POLR3D: variants seen among roughly 807,000 people sequenced by gnomAD.
POLR3D encodes the protein RNA polymerase III subunit D, also known as DNA-directed RNA polymerase III subunit RPC4.
A neutral mutation model predicts 44.5 loss-of-function variants in POLR3D; 42 were observed. That is an observed-to-expected ratio of 0.94 (90% CI 0.74 to 1.22). The LOEUF is 1.22. POLR3D is among the 50% of genes most tolerant of loss of function. POLR3D has a pLI of 0.00. For missense variants in POLR3D, 507 were observed against 505.2 expected, an observed-to-expected ratio of 1.00 and a Z score of -0.03; for synonymous variants, 217 against 198.1, an observed-to-expected ratio of 1.10 and a Z score of -0.80.
chr8:22,249,570 C>T (rs1830081745), intron 7 of POLR3D, among the ~76,000 whole-genome samples: 1 of 152,150 alleles, frequency 6.6e-6, no homozygotes, highest in Non-Finnish European at 1.5e-5. Context: ...TGGCTCATGC[C>T]TCTAATCCCA....
chr8:22,245,389 C>G, intron 1 of POLR3D, 56 bp from the exon 2 acceptor site: 1 of 1,267,870 alleles, frequency 7.9e-7, no homozygotes, highest in African/African-American at 1.5e-5. Flanking sequence ...GGTGGGGTTC[C>G]GCCAGGGTCC....
intron 5 of POLR3D, 89 bp downstream of exon 5, chr8:22,248,367 T>C: frequency 5.1e-6 from 8 of 1,576,852 alleles, no homozygotes; most frequent in Non-Finnish European, 6.9e-6. Flanking sequence ...AAGAGCTTAC[T>C]GATGTCCTGG....
In POLR3D at chr8:22,253,107, A is replaced by G. The variant is rs1367011972; in HGVS notation, c.*2589A>G. On this transcript the variant is annotated 3_prime_UTR_variant, in exon 9 of 9. Coordinates refer to ENST00000306433, the MANE Select transcript of POLR3D (RefSeq NM_001722.3). The stretch of plus-strand genomic sequence containing the variant: ...TAAGCAATGGGAATGTTTATCTCAC[A>G]TAGCAAAAAGTCTGTAAATAGATGG... 7 of 152,230 alleles carry G rather than the reference A, an allele frequency of 4.6e-5. No homozygotes were observed. In the East Asian group the frequency reaches 1.2e-3, roughly 25 times the overall value. 9.4% of individuals were successfully genotyped at this position (152,230 alleles called of 1,614,324 possible).
At chr8:22,250,297 A>G in intron 8 of POLR3D, 70 bp downstream of exon 8, 1 of 1,609,948 alleles carries the variant, frequency 6.2e-7, no homozygotes, top group Non-Finnish European at 8.5e-7. Flanking sequence ...CCACTGCTAA[A>G]TAAGGGAGGG....
At position 22,249,151 on chromosome 8, in the gene POLR3D, C is replaced by G. The variant is rs1196103404; in HGVS notation, c.763C>G (p.Leu255Val). 5.0e-6 allele frequency: 8 copies of G among 1,614,120 alleles called. No individual in the cohort carries two copies. Among genetic ancestry groups the G allele is most frequent in the Middle Eastern group, 1.6e-4 (1 of 6,062 alleles). Residue 255 changes from leucine (L) to valine (V), a missense_variant, in exon 7 of 9, where the codon CTG (leucine) becomes GTG (valine). Leu to Val is a conservative substitution (Grantham distance 32). Transcript: ENST00000306433. ...LPKDVSVAELLRELSLTKEEE... is the reference protein window; with the variant it reads ...LPKDVSVAELVRELSLTKEEE... The stretch of plus-strand genomic sequence containing the variant: ...GAAGGATGTATCTGTGGCAGAGCTG[C>G]TGAGGGAGCTGAGCCTCACCAAGGA...
intron 8 of POLR3D, 71 bp from the exon 9 acceptor site, chr8:22,250,325 T>C (rs547155471): frequency 8.7e-6 from 14 of 1,610,272 alleles, no homozygotes; most frequent in South Asian, 2.2e-5. Flanking sequence ...GGGAGTATCA[T>C]GTCCCCATTC....
Position 22,253,938 on chromosome 8 carries a change from A to G in POLR3D, c.*3420A>G, listed in dbSNP as rs148185065. 8.5e-5 allele frequency: 13 copies of G among 152,404 alleles called. No individual in the cohort carries two copies. The highest frequency in any genetic ancestry group is 2.4e-4 in the African/African-American group (10 of 41,582). The allele number at this position is 152,404 out of a possible 1,614,324, so 9.4% of individuals were successfully genotyped here. A position where few individuals can be genotyped will look rare whatever the true frequency, so the allele number is the denominator to read the frequency against. On this transcript the variant is annotated 3_prime_UTR_variant, in exon 9 of 9. Coordinates refer to ENST00000306433, the MANE Select transcript of POLR3D (RefSeq NM_001722.3). ...GTGATCTACCTGCCTCAGCCTCCCAAGTGCTGGGATTACAGGCGTGAGCCA... is the reference window on the plus strand; with the variant it reads ...GTGATCTACCTGCCTCAGCCTCCCAGGTGCTGGGATTACAGGCGTGAGCCA...
Position 22,248,210 on chromosome 8 carries a change from A to T in POLR3D, c.418A>T (p.Ile140Phe). 1 of 1,614,210 alleles carries T rather than the reference A, an allele frequency of 6.2e-7. No homozygotes were observed. The highest frequency in any genetic ancestry group is 1.1e-5 in the South Asian group (1 of 91,080). The change falls in exon 5 of 9, where the codon ATC becomes TTC. Residue 140 changes from isoleucine to phenylalanine, a missense_variant. Ile to Phe is a conservative substitution (Grantham distance 21, BLOSUM62 0). Transcript: ENST00000306433. ...CATGGGACCTTCTCATATCATCAAC[A>T]TCAAAAAAGAGAAGAGAGAGACAGA... is the stretch of plus-strand genomic sequence containing the variant. ...SDMGPSHIIN[I>F]KKEKRETDEE...
At position 22,245,556 on chromosome 8, in the gene POLR3D, C is replaced by T; in HGVS notation, c.107C>T (p.Thr36Ile). Reference sequence around the variant, plus strand: ...GGGCGGCGGCCGGCGCCTCCCCTCACCCCCGGCCGCCTTCCCTCCATCCGT... The same window carrying T: ...GGGCGGCGGCCGGCGCCTCCCCTCATCCCCGGCCGCCTTCCCTCCATCCGT... ...LIGRRPAPPL[T>I]PGRLPSIRSR... Residue 36 changes from threonine to isoleucine, a missense_variant, in exon 2 of 9, where the codon ACC (threonine) becomes ATC (isoleucine). Coordinates refer to ENST00000306433, the MANE Select transcript of POLR3D (RefSeq NM_001722.3). The T allele has an allele frequency of 5.5e-6, 7 of 1,261,624 alleles. No homozygotes were observed. The highest frequency in any genetic ancestry group is 7.0e-6 in the Non-Finnish European group (7 of 995,348). The allele number at this position is 1,261,624 out of a possible 1,614,324, so 78.2% of individuals were successfully genotyped here.
chr8:22,248,691 C>G, intron 6 of POLR3D, 42 bp downstream of exon 6: 1 of 1,576,932 alleles, frequency 6.3e-7, no homozygotes, highest in South Asian at 1.2e-5. Context: ...TCCATGGCTG[C>G]TCCCCAGGAA....
At position 22,252,098 on chromosome 8, in the gene POLR3D, G is replaced by T. The variant is rs1436141223; in HGVS notation, c.*1580G>T. 1 of 153,826 alleles carries T rather than the reference G, an allele frequency of 6.5e-6. No individual in the cohort carries two copies. Among genetic ancestry groups the T allele is most frequent in the African/African-American group, 2.4e-5 (1 of 41,468 alleles). 9.5% of individuals were successfully genotyped at this position (153,826 alleles called of 1,614,324 possible). A position where few individuals can be genotyped will look rare whatever the true frequency, so the allele number is the denominator to read the frequency against. On this transcript the variant is annotated 3_prime_UTR_variant, in exon 9 of 9. Transcript: ENST00000306433. ...CCCTCAACCTGCCCAGCCAGCAGCT[G>T]TGAGGCTGACTGAATATTTGGTGAC...
At position 22,248,237 on chromosome 8, in the gene POLR3D, G is replaced by T; in HGVS notation, c.445G>T (p.Glu149Ter). 1 of 1,614,192 alleles carries T rather than the reference G, an allele frequency of 6.2e-7. No individual in the cohort carries two copies. The highest frequency in any genetic ancestry group is 1.1e-5 in the South Asian group (1 of 91,076). ...CAAAAAAGAGAAGAGAGAGACAGAC[G>T]AAGAAACTAAACAGATCTTGCGTAT... Reference protein sequence around the residue: ...NIKKEKRETDEETKQILRMLE... With the variant: ...NIKKEKRETD Residue 149 changes from glutamate (E) to a stop codon, truncating the protein, a stop_gained, in exon 5 of 9, where the codon GAA (glutamate) becomes TAA (stop). Transcript: ENST00000306433. LOFTEE classifies it high-confidence loss of function.
chr8:22,245,608 CAAG>C lies in POLR3D; in HGVS notation c.163_165del (p.Lys56del). 7.2e-6 allele frequency: 9 copies of C among 1,255,774 alleles called. No homozygotes were observed. The highest frequency in any genetic ancestry group is 9.1e-6 in the Non-Finnish European group (9 of 991,918). The allele number at this position is 1,255,774 out of a possible 1,614,324, so 77.8% of individuals were successfully genotyped here. ...CCAGGGACCTCACCCTCGGGGGAGT[CAAG>C]AAGGTACCCAACGGCGCGTTTCTAA... On this transcript the variant is annotated inframe_deletion, in exon 2 of 9. Transcript: ENST00000306433.
At chr8:22,246,699 C>A (rs771983911) in intron 2 of POLR3D, among the ~76,000 whole-genome samples, 2 of 152,232 alleles carry the variant, frequency 1.3e-5, no homozygotes, top group Non-Finnish European at 2.9e-5. Flanking sequence ...CCACCTTGGC[C>A]TCCCAAAGTG....
At chr8:22,247,565 G>A (rs1411813304) in intron 3 of POLR3D, among the ~76,000 whole-genome samples, 2 of 152,186 alleles carry the variant, frequency 1.3e-5, no homozygotes, top group Non-Finnish European at 2.9e-5. Flanking sequence ...AAACAAAGAT[G>A]TATCACACTT....
rs200234514 is a variant in POLR3D at position 22,250,518 on chromosome 8, A to C, written c.1197A>C (p.Ter399TyrextTer23). ...FESLLDHKHR[*>Y] Reference sequence around the variant, plus strand: ...CCCTCTTGGATCACAAACACCGGTAAAATGAGCAGGTGGAGGAGGACGGCG... The same window carrying C: ...CCCTCTTGGATCACAAACACCGGTACAATGAGCAGGTGGAGGAGGACGGCG... The change falls in exon 9 of 9, where the codon TAA becomes TAC. Residue 399 changes from the stop codon to tyrosine, a stop_lost. Transcript: ENST00000306433. The C allele has an allele frequency of 2.5e-6, 4 of 1,614,192 alleles. No individual in the cohort carries two copies. Among genetic ancestry groups the C allele is most frequent in the African/African-American group, 1.3e-5 (1 of 75,040 alleles).
chr8:22,249,989 C>T, intron 7 of POLR3D, 86 bp from the exon 8 acceptor site: 2 of 1,494,536 alleles, frequency 1.3e-6, no homozygotes, highest in South Asian at 2.4e-5. Flanking sequence ...TTTGCTGTGC[C>T]TTTCTCTTGG....
Position 22,248,628 on chromosome 8 carries a change from G to A in POLR3D, c.634G>A (p.Val212Met). Residue 212 changes from valine to methionine, a missense_variant, in exon 6 of 9, where the codon GTG (valine) becomes ATG (methionine). Val to Met is a conservative substitution (Grantham distance 21, BLOSUM62 1). Coordinates refer to ENST00000306433, the MANE Select transcript of POLR3D (RefSeq NM_001722.3). ...LAGPKEEDME[V>M]DIPAVKVKEE... ...TGGCCCCAAGGAAGAGGACATGGAG[G>A]TGGACATACCTGCTGTGAAAGGTAC... 6.2e-7 allele frequency: 1 copy of A among 1,613,754 alleles called. No homozygotes were observed. The highest frequency in any genetic ancestry group is 8.5e-7 in the Non-Finnish European group (1 of 1,179,952).
At chr8:22,248,346 G>C in intron 5 of POLR3D, 68 bp downstream of exon 5, 1 of 1,590,826 alleles carries the variant, frequency 6.3e-7, no homozygotes, top group Non-Finnish European at 8.6e-7. Flanking sequence ...GGGGAGCCAG[G>C]TGAGGGGTAG....
Sources: gnomAD v4.1 joint callset for allele counts (sites outside exome capture counted in the v4.1 genomes callset) on GRCh38, gnomAD v4.1.1 for gene constraint, MANE v1.5 for transcripts, NCBI Gene and HGNC (gene_info 2026-07-23, HGNC 2026-07-21) for gene names.